The following AGBL2 variants were observed in gnomAD, a reference collection of about 807,000 sequenced individuals.
AGBL2 encodes the protein cytosolic carboxypeptidase 2.
Under a neutral mutation model 103.0 loss-of-function variants are expected in AGBL2, and 87 were observed. The ratio of observed to expected loss-of-function variants is 0.84; its 90% CI spans 0.71 to 1.01. The LOEUF is 1.01. Ranked by LOEUF, AGBL2 falls within the 50% of genes least tolerant of loss-of-function variation. The probability of loss-of-function intolerance (pLI) is 0.00; values close to 1 mark genes in which losing one functional copy is unlikely to be tolerated. For synonymous variants in AGBL2, 335 were observed against 356.7 expected, an observed-to-expected ratio of 0.94 and a Z score of 0.69; for missense variants, 904 against 1,023.5, an observed-to-expected ratio of 0.88 and a Z score of 1.59.
intron 4 of AGBL2, among the ~76,000 whole-genome samples, chr11:47,707,329 T>C (rs898125374): frequency 6.6e-6 from 1 of 152,202 alleles, no homozygotes; most frequent in Non-Finnish European, 1.5e-5. Flanking sequence ...GAAAAAGACA[T>C]ACCTGAGACT....
intron 13 of AGBL2, among the ~76,000 whole-genome samples, chr11:47,678,315 A>G (rs953011758): frequency 1.6e-5 from 2 of 125,380 alleles, no homozygotes; most frequent in Admixed American, 1.7e-4. Flanking sequence ...ATTTTATTTT[A>G]TTTTATTTTA....
chr11:47,676,761 G>T (rs1283914198), intron 14 of AGBL2, among the ~76,000 whole-genome samples: 2 of 151,064 alleles, frequency 1.3e-5, no homozygotes, highest in Admixed American at 1.3e-4. Context: ...GGAGCTTGCG[G>T]TGAGTGGAGA....
chr11:47,672,890 G>A (rs965489737), intron 14 of AGBL2, among the ~76,000 whole-genome samples: 5 of 152,106 alleles, frequency 3.3e-5, no homozygotes, highest in South Asian at 2.1e-4. Flanking sequence ...AGACTTCCAC[G>A]CCAGCTCAGA....
intron 3 of AGBL2, among the ~76,000 whole-genome samples, chr11:47,711,340 G>A (rs953363551): frequency 2.0e-4 from 30 of 152,086 alleles, no homozygotes; most frequent in African/African-American, 7.2e-4. Flanking sequence ...CATCAATTCT[G>A]AGGGCAACTC....
intron 3 of AGBL2, among the ~76,000 whole-genome samples, chr11:47,713,344 CAAAAA>C (rs71045506): frequency 1.8e-5 from 1 of 55,590 alleles, no homozygotes; most frequent in Non-Finnish European, 3.6e-5. Flanking sequence ...GACTCTATCG[CAAAAA>C]AAAAAAAAAA....
intron 3 of AGBL2, among the ~76,000 whole-genome samples, chr11:47,711,102 G>A (rs188917358): frequency 4.0e-5 from 6 of 151,658 alleles, no homozygotes; most frequent in Admixed American, 2.6e-4. Flanking sequence ...AAATAGAAAA[G>A]GCTTGCAGAA....
chr11:47,685,206 C>CA (rs201432420), intron 11 of AGBL2, among the ~76,000 whole-genome samples: 51 of 142,656 alleles, frequency 3.6e-4, no homozygotes, highest in South Asian at 1.1e-3. Flanking sequence ...GACTCCGTCT[C>CA]AAAAAAAAAA....
chr11:47,674,160 A>C (rs1443567239), intron 14 of AGBL2, among the ~76,000 whole-genome samples: 1 of 152,144 alleles, frequency 6.6e-6, no homozygotes, highest in Non-Finnish European at 1.5e-5. Flanking sequence ...AGAGGCAATA[A>C]ATGCTATGGA....
intron 4 of AGBL2, among the ~76,000 whole-genome samples, chr11:47,706,250 C>T (rs2097518784): frequency 6.6e-6 from 1 of 152,062 alleles, no homozygotes; most frequent in South Asian, 2.1e-4. Flanking sequence ...GGCGCGGTGG[C>T]TCATGCCTGT....
chr11:47,708,257 G>A (rs1223858056), intron 4 of AGBL2, among the ~76,000 whole-genome samples: 4 of 151,502 alleles, frequency 2.6e-5, no homozygotes, highest in East Asian at 2.0e-4. Flanking sequence ...TAGTAGAGAC[G>A]GGGTTTCACC....
chr11:47,713,164 A>T lies in AGBL2; in HGVS notation c.97+1120T>A, dbSNP rs542547762. On this transcript the variant is annotated intron_variant, in intron 3 of 18. Coordinates refer to ENST00000525123, the MANE Select transcript of AGBL2 (RefSeq NM_024783.4). ...AGACCAGCCTGGCCAACATGTTGAA[A>T]CCCCGTCTCTACTACAAATACACAA... Among the ~76,000 whole-genome samples, 147 of 150,688 alleles carry T rather than the reference A, an allele frequency of 9.8e-4. 1 individual carries two copies. The Middle Eastern group carries it at 0.014, about 14-fold the overall frequency.
At chr11:47,699,958 TTTTC>T (rs2097491568) in intron 7 of AGBL2, among the ~76,000 whole-genome samples, 1 of 149,712 alleles carries the variant, frequency 6.7e-6, no homozygotes, top group African/African-American at 2.4e-5. Context: ...AGCCTTTTTC[TTTTC>T]TTTCTTTTTT....
intron 11 of AGBL2, 132 bp from the exon 12 acceptor site, chr11:47,682,227 C>T (rs1362080935): frequency 1.1e-6 from 1 of 941,320 alleles, no homozygotes; most frequent in East Asian, 2.7e-5. Flanking sequence ...CCACAAAATA[C>T]TAATTTGGAG....
intron 7 of AGBL2, among the ~76,000 whole-genome samples, chr11:47,703,622 C>G (rs2097506268): frequency 6.6e-6 from 1 of 151,528 alleles, no homozygotes; most frequent in Non-Finnish European, 1.5e-5. Context: ...GGAACGCTGA[C>G]TCTAATAAAA....
chr11:47,708,990 C>T (rs956260399), intron 4 of AGBL2, among the ~76,000 whole-genome samples: 17 of 151,856 alleles, frequency 1.1e-4, no homozygotes, highest in Admixed American at 9.2e-4. Flanking sequence ...GGAGTGGTGG[C>T]GGGCGCCTGT....
chr11:47,707,205 T>G (rs1207373233), intron 4 of AGBL2, among the ~76,000 whole-genome samples: 2 of 151,920 alleles, frequency 1.3e-5, no homozygotes, highest in Middle Eastern at 3.2e-3. Context: ...ATAGGAAACT[T>G]TTGGGCTGGT....
chr11:47,689,636 C>T (rs2097437343), intron 10 of AGBL2, among the ~76,000 whole-genome samples: 1 of 151,994 alleles, frequency 6.6e-6, no homozygotes. Context: ...ATACAACATG[C>T]GATATTGACT....
chr11:47,668,284 A>G (rs1485578137), intron 15 of AGBL2, among the ~76,000 whole-genome samples: 5 of 150,306 alleles, frequency 3.3e-5, no homozygotes, highest in Non-Finnish European at 7.4e-5. Flanking sequence ...CAAGGCGGGC[A>G]GATCACGAGG....
At chr11:47,697,211 G>A (rs935082132) in intron 8 of AGBL2, among the ~76,000 whole-genome samples, 1 of 151,548 alleles carries the variant, frequency 6.6e-6, no homozygotes, top group African/African-American at 2.4e-5. Flanking sequence ...TTACAGGTAT[G>A]AGGCACCACA....
Sources: gnomAD v4.1 joint callset for allele counts (sites outside exome capture counted in the v4.1 genomes callset) on GRCh38, gnomAD v4.1.1 for gene constraint, MANE v1.5 for transcripts, NCBI Gene and HGNC (gene_info 2026-07-23, HGNC 2026-07-21) for gene names.